Variants in KCNK1 observed in about 807,000 individuals in gnomAD.
KCNK1 encodes the protein potassium channel subfamily K member 1.
In KCNK1, 10 loss-of-function variants were observed where a neutral mutation model predicts 22.2. That is an observed-to-expected ratio of 0.45 (90% CI 0.28 to 0.76). The LOEUF (loss-of-function observed/expected upper bound fraction) is 0.76, where lower values mean the gene tolerates loss of function less well. Ranked by LOEUF, KCNK1 falls within the 30% of genes least tolerant of loss-of-function variation. KCNK1 has a pLI of 0.14. For synonymous variants in KCNK1, 200 were observed against 186.4 expected (o/e 1.07, Z -0.60); for missense variants, 378 against 421.0 (o/e 0.90, Z 0.89).
rs1658599179 is a variant in KCNK1 at position 233,671,550 on chromosome 1, A to G, written c.*20A>G. On this transcript the variant is annotated 3_prime_UTR_variant, in exon 3 of 3. Transcript: ENST00000366621. ...CATTGAGCGTAGGATTTGTTGCATT[A>G]TGCTAGAGCACCAGGGTCAGGGTGC... The G allele has an allele frequency of 1.2e-6, 2 of 1,613,040 alleles. No individual in the cohort carries two copies. The highest frequency in any genetic ancestry group is 1.7e-6 in the Non-Finnish European group (2 of 1,179,564).
intron 1 of KCNK1, chr1:233,631,314 G>A (rs1200549243): frequency 7.6e-6 from 4 of 529,474 alleles, no homozygotes; most frequent in African/African-American, 1.9e-5. Flanking sequence ...CCCCTAATGT[G>A]TGTTTAACTG....
chr1:233,641,201 C>T (rs1001378505), intron 1 of KCNK1, among the ~76,000 whole-genome samples: 4 of 152,198 alleles, frequency 2.6e-5, no homozygotes, highest in African/African-American at 4.8e-5. Context: ...GGTGTTTTCA[C>T]TCTACTTTCT....
At chr1:233,667,613 C>T (rs1211571896) in intron 2 of KCNK1, among the ~76,000 whole-genome samples, 4 of 150,704 alleles carry the variant, frequency 2.7e-5, no homozygotes, top group African/African-American at 4.9e-5. Flanking sequence ...GCCTGTAGTC[C>T]CAGCTACTCG....
chr1:233,666,675 C>G lies in KCNK1; in HGVS notation c.436C>G (p.Leu146Val). 1 of 1,614,166 alleles carries G rather than the reference C, an allele frequency of 6.2e-7. No homozygotes were observed. Among genetic ancestry groups the G allele is most frequent in the African/African-American group, 1.3e-5 (1 of 75,046 alleles). Residue 146 changes from leucine (L) to valine (V), a missense_variant, in exon 2 of 3, where the codon CTC (leucine) becomes GTC (valine). Coordinates refer to ENST00000366621, the MANE Select transcript of KCNK1 (RefSeq NM_002245.4). ...CTCCGTCATTGGCATTCCCTTCACC[C>G]TCCTGTTCCTGACGGCTGTGGTCCA... ...IYSVIGIPFT[L>V]LFLTAVVQRI...
intron 1 of KCNK1, among the ~76,000 whole-genome samples, chr1:233,663,835 T>G (rs1368398444): frequency 6.6e-6 from 1 of 151,836 alleles, no homozygotes; most frequent in African/African-American, 2.4e-5. Context: ...TTGGCTTTTT[T>G]TTTGCGGGGG....
chr1:233,666,490 T>C, intron 1 of KCNK1, 105 bp from the exon 2 acceptor site: 1 of 1,092,584 alleles, frequency 9.2e-7, no homozygotes, highest in Non-Finnish European at 1.3e-6. Context: ...GCTGTTCTCT[T>C]TGGTTTGAGG....
intron 1 of KCNK1, among the ~76,000 whole-genome samples, chr1:233,638,361 T>C (rs1330020489): frequency 6.6e-6 from 1 of 151,666 alleles, no homozygotes; most frequent in African/African-American, 2.4e-5. Flanking sequence ...TAGTTAAAAA[T>C]TAAAAATGGC....
intron 1 of KCNK1, among the ~76,000 whole-genome samples, chr1:233,665,128 G>A (rs1348016179): frequency 6.6e-6 from 1 of 151,938 alleles, no homozygotes; most frequent in Non-Finnish European, 1.5e-5. Context: ...TGGTCCTAAT[G>A]TAATTTTTTC....
chr1:233,640,467 G>C (rs1657981492), intron 1 of KCNK1, among the ~76,000 whole-genome samples: 1 of 152,192 alleles, frequency 6.6e-6, no homozygotes, highest in Non-Finnish European at 1.5e-5. Context: ...TCCATTGAAA[G>C]ATAAAACAGA....
intron 1 of KCNK1, chr1:233,650,079 A>G (rs1452177113): frequency 1.9e-6 from 1 of 532,352 alleles, no homozygotes; most frequent in South Asian, 1.4e-5. Flanking sequence ...TCCTTGTAAT[A>G]TGCCACCTAG....
intron 1 of KCNK1, among the ~76,000 whole-genome samples, chr1:233,639,574 C>A (rs759816681): frequency 1.3e-5 from 2 of 152,172 alleles, no homozygotes; most frequent in Non-Finnish European, 2.9e-5. Flanking sequence ...AGAATCCTAA[C>A]GTCTGACAAA....
intron 1 of KCNK1, among the ~76,000 whole-genome samples, chr1:233,622,900 A>G (rs1414447972): frequency 6.6e-5 from 10 of 152,182 alleles, no homozygotes; most frequent in Admixed American, 6.5e-4. Context: ...TTTTTGCATT[A>G]GCTCCTCTGA....
At chr1:233,662,507 A>C (rs562387829) in intron 1 of KCNK1, among the ~76,000 whole-genome samples, 17 of 152,212 alleles carry the variant, frequency 1.1e-4, no homozygotes, top group Non-Finnish European at 1.2e-4. Context: ...AGGAGCCCAG[A>C]AAGGTTCTCT....
intron 1 of KCNK1, among the ~76,000 whole-genome samples, chr1:233,643,015 C>T (rs1269752130): frequency 1.3e-5 from 2 of 150,362 alleles, no homozygotes; most frequent in African/African-American, 2.5e-5. Flanking sequence ...CTTTTGACCT[C>T]AGGTGATCCA....
intron 1 of KCNK1, chr1:233,660,418 A>G (rs1158359724): frequency 6.6e-6 from 1 of 152,202 alleles, no homozygotes; most frequent in Non-Finnish European, 1.5e-5. Flanking sequence ...CAGAAACTCT[A>G]CTTTTGAAGA....
intron 1 of KCNK1, 132 bp from the exon 2 acceptor site, chr1:233,666,463 G>A (rs750472538): frequency 1.3e-5 from 10 of 760,758 alleles, no homozygotes; most frequent in Non-Finnish European, 2.1e-5. Flanking sequence ...CCCCTAAAGT[G>A]GCAGACCTGA....
Position 233,643,505 on chromosome 1 carries a change from C to T in KCNK1, c.356-23090C>T, listed in dbSNP as rs543066847. 2.6e-4 allele frequency among the ~76,000 whole-genome samples: 40 copies of T among 152,298 alleles called. 1 individual carries two copies. The highest frequency in any genetic ancestry group is 9.1e-4 in the African/African-American group (38 of 41,572). The stretch of plus-strand genomic sequence containing the variant: ...TTCCCTATGGTCAGTTCTCTTTAAA[C>T]ACTGTACCTCCTCCCAGGCAGTGCT... On this transcript the variant is annotated intron_variant, in intron 1 of 2. Transcript: ENST00000366621.
At chr1:233,625,878 G>A (rs1260202251) in intron 1 of KCNK1, among the ~76,000 whole-genome samples, 1 of 152,188 alleles carries the variant, frequency 6.6e-6, no homozygotes, top group Non-Finnish European at 1.5e-5. Context: ...TGTGGCTGGA[G>A]CTGAGTAAGA....
chr1:233,667,725 G>A lies in KCNK1; in HGVS notation c.751+735G>A, dbSNP rs1414699038. 3.8e-4 allele frequency among the ~76,000 whole-genome samples: 23 copies of A among 60,888 alleles called. 1 individual carries two copies. Among genetic ancestry groups the A allele is most frequent in the Middle Eastern group, 0.015 (1 of 66 alleles). The allele number at this position is 60,888 out of a possible 152,430, so 39.9% of individuals were successfully genotyped here. On this transcript the variant is annotated intron_variant, in intron 2 of 2. Coordinates refer to ENST00000366621, the MANE Select transcript of KCNK1 (RefSeq NM_002245.4). ...AGCCTGGGCGACAGAGCGAGACTCC[G>A]TCTCAAAAAAAAAAAAAAAAAAAAA...
Sources: allele counts gnomAD v4.1 joint callset (sites outside exome capture counted in the v4.1 genomes callset), GRCh38; gene constraint gnomAD v4.1.1; transcripts MANE v1.5; gene names NCBI Gene and HGNC (gene_info 2026-07-23, HGNC 2026-07-21).